DAB1: variants seen among roughly 807,000 people sequenced by gnomAD.
DAB1 encodes the protein disabled homolog 1.
DAB1 carries 15 observed loss-of-function variants against 64.6 expected under a neutral mutation model. That is an observed-to-expected ratio of 0.23 (90% CI 0.16 to 0.36). DAB1 has a LOEUF of 0.36. Ranked by LOEUF, DAB1 falls within the 10% of genes least tolerant of loss-of-function variation. The probability of loss-of-function intolerance (pLI) is 1.00; values close to 1 mark genes in which losing one functional copy is unlikely to be tolerated. For missense variants in DAB1, 596 were observed against 706.7 expected (o/e 0.84, Z 1.78); for synonymous variants, 235 against 251.9 (o/e 0.93, Z 0.64).
At chr1:58,463,326 A>C (rs1645262327) in intron 3 of DAB1, among the ~76,000 whole-genome samples, 1 of 152,140 alleles carries the variant, frequency 6.6e-6, no homozygotes, top group South Asian at 2.1e-4. Flanking sequence ...CCTAGACATA[A>C]GCTCTGTCAC....
At chr1:57,773,208 A>G (rs1310826588) in intron 6 of DAB1, among the ~76,000 whole-genome samples, 2 of 152,078 alleles carry the variant, frequency 1.3e-5, no homozygotes, top group Non-Finnish European at 2.9e-5. Flanking sequence ...TAAGAGCCCC[A>G]GGAAATTAAC....
intron 1 of DAB1, among the ~76,000 whole-genome samples, chr1:57,357,771 A>G (rs1679234328): frequency 6.6e-6 from 1 of 151,868 alleles, no homozygotes; most frequent in African/African-American, 2.4e-5. Flanking sequence ...GAGAAATGCC[A>G]AGCAAAAGGG....
At chr1:58,541,112 C>CCAGCCTGGCCAACT (rs71043291) in intron 1 of DAB1, among the ~76,000 whole-genome samples, 42 of 151,320 alleles carry the variant, frequency 2.8e-4, no homozygotes, top group African/African-American at 9.4e-4. Flanking sequence ...GCATTCGAGG[C>CCAGCCTGGCCAACT]GTGAAACCCC....
chr1:57,132,883 CTAATA>C (rs1329395657), intron 4 of DAB1, among the ~76,000 whole-genome samples: 2 of 151,984 alleles, frequency 1.3e-5, no homozygotes, highest in African/African-American at 4.8e-5. Flanking sequence ...GGAATCTGCT[CTAATA>C]TAGATAAAAG....
chr1:58,425,518 A>T (rs985470535), intron 3 of DAB1, among the ~76,000 whole-genome samples: 1 of 152,192 alleles, frequency 6.6e-6, no homozygotes, highest in African/African-American at 2.4e-5. Flanking sequence ...GATCTGAGAG[A>T]CGTCAGCAGA....
At chr1:58,162,890 C>T (rs947030715) in intron 4 of DAB1, among the ~76,000 whole-genome samples, 3 of 152,096 alleles carry the variant, frequency 2.0e-5, no homozygotes, top group South Asian at 2.1e-4. Context: ...AAACCAGGGG[C>T]GATTTTGCCC....
intron 4 of DAB1, among the ~76,000 whole-genome samples, chr1:58,232,476 TACACACACACAC>T (rs58863239): frequency 0.41 from 58,537 of 143,918 alleles, 13,235 homozygotes; most frequent in Non-Finnish European, 0.54. Flanking sequence ...TCTGAGTGAA[TACACACACACAC>T]ACACACACAC....
At chr1:57,860,605 T>C (rs1458380384) in intron 1 of DAB1, 2 of 152,282 alleles carry the variant, frequency 1.3e-5, no homozygotes, top group African/African-American at 4.8e-5. Flanking sequence ...GTAATCAGGA[T>C]GGCAGTGAGG....
At chr1:57,824,503 C>T (rs17116347), downstream of DAB1, among the ~76,000 whole-genome samples, 1,385 of 152,162 alleles carry the variant, frequency 9.1e-3, 19 homozygotes, top group African/African-American at 0.032. Context: ...AATGTGTTTA[C>T]AGGAGAGCCT....
At chr1:57,207,537 G>C (rs1665676173) in intron 2 of DAB1, among the ~76,000 whole-genome samples, 1 of 135,042 alleles carries the variant, frequency 7.4e-6, no homozygotes, top group South Asian at 2.4e-4. Context: ...TCCGCCTCCC[G>C]GGTTCACGCC....
chr1:57,289,094 T>C (rs1478905122), intron 2 of DAB1, among the ~76,000 whole-genome samples: 1 of 152,198 alleles, frequency 6.6e-6, no homozygotes, highest in Non-Finnish European at 1.5e-5. Flanking sequence ...ATGTATTATG[T>C]TGATTTCAGA....
intron 7 of DAB1, among the ~76,000 whole-genome samples, chr1:57,623,552 T>G (rs72908593): frequency 0.015 from 2,318 of 152,236 alleles, 57 homozygotes; most frequent in African/African-American, 0.053. Context: ...AGCCATACTG[T>G]CTTAAAATAA....
chr1:58,072,893 A>G (rs1396160957), intron 5 of DAB1, among the ~76,000 whole-genome samples: 1 of 152,238 alleles, frequency 6.6e-6, no homozygotes, highest in South Asian at 2.1e-4. Flanking sequence ...TTCCAAATAG[A>G]TAAGTGTGTG....
chr1:57,497,844 G>T (rs189653609), intron 7 of DAB1, among the ~76,000 whole-genome samples: 1 of 152,188 alleles, frequency 6.6e-6, no homozygotes, highest in Non-Finnish European at 1.5e-5. Flanking sequence ...GCCATTGGAG[G>T]ATTTTAATCA....
At chr1:57,212,077 G>T (rs1184850592) in intron 2 of DAB1, among the ~76,000 whole-genome samples, 3 of 152,174 alleles carry the variant, frequency 2.0e-5, no homozygotes, top group Non-Finnish European at 4.4e-5. Context: ...GAGAATGCAT[G>T]CATGCTATAA....
intron 5 of DAB1, among the ~76,000 whole-genome samples, chr1:58,049,669 A>T (rs1030402162): frequency 1.3e-5 from 2 of 152,194 alleles, no homozygotes; most frequent in Non-Finnish European, 2.9e-5. Flanking sequence ...TATGACCTTG[A>T]GTTTGAAATT....
At chr1:57,350,017 A>G (rs1172760491) in intron 1 of DAB1, among the ~76,000 whole-genome samples, 1 of 152,184 alleles carries the variant, frequency 6.6e-6, no homozygotes, top group East Asian at 1.9e-4. Flanking sequence ...AGATATTTAT[A>G]AATAGATTTG....
intron 1 of DAB1, among the ~76,000 whole-genome samples, chr1:58,532,342 G>A (rs1646446702): frequency 6.6e-6 from 1 of 152,082 alleles, no homozygotes; most frequent in Admixed American, 6.5e-5. Context: ...ACAATACACT[G>A]AATATAAGGC....
At chr1:57,870,345 G>A (rs897497752) in intron 1 of DAB1, among the ~76,000 whole-genome samples, 7 of 152,124 alleles carry the variant, frequency 4.6e-5, no homozygotes, top group East Asian at 3.9e-4. Context: ...GAGTTATGGG[G>A]CCAGCCTAAT....
Sources: gnomAD v4.1 joint callset for allele counts (sites outside exome capture counted in the v4.1 genomes callset) on GRCh38, gnomAD v4.1.1 for gene constraint, MANE v1.5 for transcripts, NCBI Gene and HGNC (gene_info 2026-07-23, HGNC 2026-07-21) for gene names.